Variants in ATG4B observed in about 807,000 individuals in gnomAD.
ATG4B encodes cysteine protease ATG4B.
In ATG4B, 29 loss-of-function variants were observed where a neutral mutation model predicts 56.6. The ratio of observed to expected loss-of-function variants is 0.51; its 90% CI spans 0.38 to 0.70. The LOEUF (loss-of-function observed/expected upper bound fraction) is 0.70. Ranked by LOEUF, ATG4B falls within the 30% of genes least tolerant of loss-of-function variation. ATG4B has a pLI of 0.00. For missense variants in ATG4B, 461 were observed against 515.5 expected, an observed-to-expected ratio of 0.89 and a Z score of 1.02; for synonymous variants, 224 against 206.1, an observed-to-expected ratio of 1.09 and a Z score of -0.74.
intron 5 of ATG4B, 28 bp downstream of exon 5, chr2:241,654,675 C>G (rs1446728831): frequency 1.3e-6 from 2 of 1,554,152 alleles, no homozygotes; most frequent in Middle Eastern, 1.7e-4. Context: ...GTGCCAGGCC[C>G]CACCCGGGCT....
chr2:241,654,325 G>A (rs1162769795), intron 4 of ATG4B, among the ~76,000 whole-genome samples: 1 of 150,368 alleles, frequency 6.7e-6, no homozygotes, highest in East Asian at 2.0e-4. Context: ...GGAGGCTGAA[G>A]CAGGAGAATC....
chr2:241,665,898 CCTGTCA>C lies in ATG4B; in HGVS notation c.539-733_539-728del, dbSNP rs570205760. On this transcript the variant is annotated intron_variant, in intron 7 of 12. Transcript: ENST00000404914. ...GTCTGTCACCTGTCAGTCACTGTCA[CCTGTCA>C]CTGTCACTGTCACCTGTCACTGTCC... 4.0e-3 allele frequency among the ~76,000 whole-genome samples: 615 copies of C among 152,124 alleles called. 2 individuals are homozygous for C. Among genetic ancestry groups the C allele is most frequent in the Middle Eastern group, 0.027 (8 of 294 alleles).
chr2:241,651,345 C>G lies in ATG4B; in HGVS notation c.184+10C>G. ...AACTTTCCAGCCATTGGTAAGTACTCTGTTTTATTACAACGCGGGACAAAA... is the reference window on the plus strand; with the variant it reads ...AACTTTCCAGCCATTGGTAAGTACTGTGTTTTATTACAACGCGGGACAAAA... On this transcript the variant is annotated intron_variant, in intron 3 of 12. Transcript: ENST00000404914. The surrounding 1 kb of genome is among the most constrained non-coding windows in gnomAD (Gnocchi z 4.1). 1 of 1,578,720 alleles carries G rather than the reference C, an allele frequency of 6.3e-7. No homozygotes were observed. The highest frequency in any genetic ancestry group is 1.3e-5 in the African/African-American group (1 of 74,308).
chr2:241,665,263 GT>G (rs1327318714), intron 7 of ATG4B, among the ~76,000 whole-genome samples: 22 of 152,168 alleles, frequency 1.4e-4, no homozygotes, highest in Admixed American at 1.4e-3. Flanking sequence ...GACACGCTTG[GT>G]TTTTATGAGC....
chr2:241,640,062 G>A (rs1162635626), intron 1 of ATG4B, among the ~76,000 whole-genome samples: 1 of 152,178 alleles, frequency 6.6e-6, no homozygotes, highest in Non-Finnish European at 1.5e-5. Context: ...AGTATCATAT[G>A]AGAGACTTGG....
At chr2:241,658,073 G>A (rs940278870) in intron 6 of ATG4B, among the ~76,000 whole-genome samples, 2 of 152,196 alleles carry the variant, frequency 1.3e-5, no homozygotes, top group Non-Finnish European at 1.5e-5. Flanking sequence ...CCGTTCCTGC[G>A]TTACTGTTCT....
chr2:241,647,462 A>T (rs1015645654), intron 1 of ATG4B, among the ~76,000 whole-genome samples: 1 of 151,380 alleles, frequency 6.6e-6, no homozygotes, highest in African/African-American at 2.4e-5. Context: ...ACTAAAAAAA[A>T]TACAAAAAAT....
chr2:241,654,395 T>C, intron 4 of ATG4B, 151 bp from the exon 5 acceptor site: 4 of 610,886 alleles, frequency 6.5e-6, no homozygotes, highest in Middle Eastern at 3.6e-4. Context: ...CACTCCATCC[T>C]GGGTGAGAGA....
rs1481137439 is a variant in ATG4B, at chr2:241,653,588, G to C, written c.261G>C (p.Leu87=). 1.9e-6 allele frequency: 3 copies of C among 1,572,324 alleles called. No homozygotes were observed. Among genetic ancestry groups the C allele is most frequent in the South Asian group, 1.2e-5 (1 of 85,342 alleles). ...GACAGATGATCTTTGCCCAAGCCCT[G>C]GTGTGCCGGCACCTAGGCCGAGGTG... ...RCGQMIFAQA[L]VCRHLGRDWR... Residue 87 remains leucine (L), a synonymous_variant, in exon 4 of 13, where the codon CTG becomes CTC. Coordinates refer to ENST00000404914, the MANE Select transcript of ATG4B (RefSeq NM_013325.5).
chr2:241,653,990 GA>G (rs34757883), intron 4 of ATG4B, among the ~76,000 whole-genome samples: 5,480 of 72,918 alleles, frequency 0.075, 170 homozygotes, highest in African/African-American at 0.17. Flanking sequence ...GACCCTATCT[GA>G]AAAAAAAAAA....
chr2:241,646,042 C>T (rs2068051758), intron 1 of ATG4B, among the ~76,000 whole-genome samples: 1 of 152,182 alleles, frequency 6.6e-6, no homozygotes, highest in Non-Finnish European at 1.5e-5. Flanking sequence ...ATGGTTTATA[C>T]AGTGAGCAAT....
At chr2:241,659,389 G>GC in intron 7 of ATG4B, 1 of 660,486 alleles carries the variant, frequency 1.5e-6, no homozygotes, top group East Asian at 3.0e-5. Context: ...AGAGAGGAGA[G>GC]CCCAGGCTGT....
chr2:241,672,038 C>T (rs2068994665), intron 12 of ATG4B, 153 bp from the exon 13 acceptor site: 1 of 1,432,844 alleles, frequency 7.0e-7, no homozygotes, highest in Admixed American at 2.8e-5. Flanking sequence ...CGCAGGTCTG[C>T]ACAACCCCCG....
chr2:241,647,412 A>T (rs1046300854), intron 1 of ATG4B, among the ~76,000 whole-genome samples: 1 of 151,124 alleles, frequency 6.6e-6, no homozygotes, highest in Non-Finnish European at 1.5e-5. Context: ...AGGTCAGGAG[A>T]TTGAGACCAT....
chr2:241,667,310 T>C (rs2068808879), intron 8 of ATG4B, among the ~76,000 whole-genome samples: 1 of 151,920 alleles, frequency 6.6e-6, no homozygotes, highest in South Asian at 2.1e-4. Context: ...CCCCATGTCA[T>C]GAAAGCAAAA....
chr2:241,643,028 G>A (rs2067949602), intron 1 of ATG4B, among the ~76,000 whole-genome samples: 2 of 151,402 alleles, frequency 1.3e-5, no homozygotes, highest in Admixed American at 6.6e-5. Flanking sequence ...GATTACAGGT[G>A]TGCACCACCA....
intron 8 of ATG4B, among the ~76,000 whole-genome samples, chr2:241,667,313 A>G (rs533160604): frequency 6.6e-6 from 1 of 152,180 alleles, no homozygotes; most frequent in African/African-American, 2.4e-5. Context: ...CATGTCATGA[A>G]AGCAAAAGGG....
At chr2:241,667,814 T>C (rs1273612747) in intron 8 of ATG4B, 1 of 294,656 alleles carries the variant, frequency 3.4e-6, no homozygotes, top group Non-Finnish European at 6.4e-6. Context: ...TCTCCATCGC[T>C]TCTGCCCTGT....
chr2:241,673,204 G>A lies in ATG4B; in HGVS notation c.*940G>A, dbSNP rs767946195. 2 of 252,228 alleles carry A rather than the reference G, an allele frequency of 7.9e-6. No individual in the cohort carries two copies. Among genetic ancestry groups the A allele is most frequent in the African/African-American group, 3.4e-5 (1 of 29,278 alleles). 15.6% of individuals were successfully genotyped at this position (252,228 alleles called of 1,614,324 possible). A position where few individuals can be genotyped will look rare whatever the true frequency, so the allele number is the denominator to read the frequency against. ...AAAAGGGGAAAACCACTTGAGTCTT[G>A]TGGTGTGTGGTGGGCAGACACCACA... On this transcript the variant is annotated 3_prime_UTR_variant, in exon 13 of 13. Coordinates refer to ENST00000404914, the MANE Select transcript of ATG4B (RefSeq NM_013325.5).
Sources: gnomAD v4.1 joint callset for allele counts (sites outside exome capture counted in the v4.1 genomes callset) on GRCh38, gnomAD v4.1.1 for gene constraint, Gnocchi (gnomAD v3.1) non-coding constraint, MANE v1.5 for transcripts, NCBI Gene and HGNC (gene_info 2026-07-23, HGNC 2026-07-21) for gene names.